The following SELENOF variants were observed in gnomAD, a reference collection of about 807,000 sequenced individuals.
The protein encoded by SELENOF is selenoprotein F, also known as 15 kDa selenoprotein.
A neutral mutation model predicts 20.5 loss-of-function variants in SELENOF; 16 were observed. The ratio of observed to expected loss-of-function variants is 0.78; its 90% CI spans 0.53 to 1.19. The LOEUF is 1.19. Among genes scored for constraint, SELENOF ranks in the 50% most tolerant of loss-of-function variants. The pLI, the probability that SELENOF is intolerant of heterozygous loss-of-function variation, is 0.00. For synonymous variants in SELENOF, 78 were observed against 74.5 expected (o/e 1.05, Z -0.24); for missense variants, 215 against 194.2 (o/e 1.11, Z -0.64).
At chr1:86,864,151 G>A (rs766906320) in intron 4 of SELENOF, among the ~76,000 whole-genome samples, 26 of 152,156 alleles carry the variant, frequency 1.7e-4, no homozygotes, top group Non-Finnish European at 3.7e-4. Context: ...TTTAAAATAC[G>A]CTGTGCATAT....
intron 2 of SELENOF, among the ~76,000 whole-genome samples, chr1:86,890,582 T>G (rs1359458421): frequency 6.6e-6 from 1 of 152,060 alleles, no homozygotes; most frequent in African/African-American, 2.4e-5. Context: ...CTCGACCTCC[T>G]AGGCTCGAGT....
Position 86,885,449 on chromosome 1 carries a change from A to G in SELENOF, c.253-4724T>C, listed in dbSNP as rs1022434624. On this transcript the variant is annotated intron_variant, in intron 2 of 4. Transcript: ENST00000331835. Reference sequence around the variant, plus strand: ...TAACACTGAACAAAGGTGACACTTGAGAATTACACACATTTTCTGAATTTT... The same window carrying G: ...TAACACTGAACAAAGGTGACACTTGGGAATTACACACATTTTCTGAATTTT... Among the ~76,000 whole-genome samples the G allele has an allele frequency of 5.3e-5, 8 of 152,208 alleles. No homozygotes were observed. The East Asian group carries it at 1.3e-3, about 26-fold the overall frequency.
intron 2 of SELENOF, among the ~76,000 whole-genome samples, chr1:86,886,653 T>C (rs1373543775): frequency 6.6e-6 from 1 of 152,134 alleles, no homozygotes. Context: ...ACCAAGTTAA[T>C]ATAACCATTA....
intron 2 of SELENOF, among the ~76,000 whole-genome samples, chr1:86,902,923 T>G (rs1049637940): frequency 6.6e-6 from 1 of 152,250 alleles, no homozygotes; most frequent in Non-Finnish European, 1.5e-5. Context: ...TACTTTCATT[T>G]CAAGTTTCAT....
At chr1:86,887,861 T>C (rs1659266245) in intron 2 of SELENOF, among the ~76,000 whole-genome samples, 1 of 152,118 alleles carries the variant, frequency 6.6e-6, no homozygotes. Flanking sequence ...CATTCAGTTC[T>C]GCCAATACTT....
intron 1 of SELENOF, among the ~76,000 whole-genome samples, chr1:86,913,309 A>G (rs1660036623): frequency 6.6e-6 from 1 of 152,236 alleles, no homozygotes; most frequent in Non-Finnish European, 1.5e-5. Context: ...CAGAACATGG[A>G]TATGAGAAGA....
intron 2 of SELENOF, among the ~76,000 whole-genome samples, chr1:86,892,794 A>G (rs975654432): frequency 9.2e-5 from 14 of 152,242 alleles, no homozygotes; most frequent in Non-Finnish European, 2.9e-5. Context: ...GACAGGAGCC[A>G]TTAAAGTCTG....
At chr1:86,865,861 A>G (rs2102067382) in intron 4 of SELENOF, among the ~76,000 whole-genome samples, 1 of 152,228 alleles carries the variant, frequency 6.6e-6, no homozygotes, top group African/African-American at 2.4e-5. Flanking sequence ...TAGCCAAGGG[A>G]TGGAAGCAAC....
intron 2 of SELENOF, among the ~76,000 whole-genome samples, chr1:86,897,297 A>T (rs1405501191): frequency 6.6e-6 from 1 of 152,140 alleles, no homozygotes; most frequent in Admixed American, 6.5e-5. Flanking sequence ...TGGTGCAGGG[A>T]GGGGTGGAAA....
At chr1:86,910,223 T>C (rs1366063613) in intron 1 of SELENOF, among the ~76,000 whole-genome samples, 1 of 152,210 alleles carries the variant, frequency 6.6e-6, no homozygotes, top group Non-Finnish European at 1.5e-5. Context: ...TTATACGTCA[T>C]GAGTATGAAT....
intron 1 of SELENOF, among the ~76,000 whole-genome samples, chr1:86,906,881 CAT>C (rs1205614379): frequency 6.6e-6 from 1 of 152,124 alleles, no homozygotes; most frequent in East Asian, 1.9e-4. Context: ...GTTTTGCAGC[CAT>C]AGTTACTGAA....
intron 3 of SELENOF, among the ~76,000 whole-genome samples, chr1:86,871,392 A>G (rs1036321806): frequency 3.3e-5 from 5 of 152,238 alleles, no homozygotes; most frequent in African/African-American, 9.6e-5. Flanking sequence ...TGTTCACTTG[A>G]ACATAAAACA....
chr1:86,865,695 T>C (rs1658572541), intron 4 of SELENOF, among the ~76,000 whole-genome samples: 1 of 152,166 alleles, frequency 6.6e-6, no homozygotes, highest in Admixed American at 6.5e-5. Flanking sequence ...GTGAAGTCAT[T>C]ACGGAAAACA....
intron 3 of SELENOF, among the ~76,000 whole-genome samples, chr1:86,871,625 A>G (rs1484725318): frequency 3.9e-5 from 6 of 152,338 alleles, no homozygotes; most frequent in African/African-American, 1.4e-4. Context: ...ACAGTTCCTC[A>G]AGTTCAAAGA....
intron 4 of SELENOF, among the ~76,000 whole-genome samples, chr1:86,866,195 C>CA (rs762072945): frequency 0.16 from 4,427 of 27,546 alleles, 955 homozygotes; most frequent in African/African-American, 0.31. Context: ...AGACCATGTC[C>CA]AAAAAAAAAA....
chr1:86,911,828 G>C lies in SELENOF; in HGVS notation c.84+2200C>G, dbSNP rs938469664. 7.4e-5 allele frequency among the ~76,000 whole-genome samples: 11 copies of C among 148,822 alleles called. 1 individual carries two copies. ...AGACAGAGTCCTGCTCTGTTACCCA[G>C]ACTGGAGTGCAATGGTGCAATCTCG... On this transcript the variant is annotated intron_variant, in intron 1 of 4. Transcript: ENST00000331835.
chr1:86,914,177 C>T (rs897575929), upstream of SELENOF: 23 of 1,425,442 alleles, frequency 1.6e-5, no homozygotes, highest in South Asian at 3.4e-5. Context: ...AGAGCCTGAT[C>T]CAAAACAGAA....
chr1:86,880,810 A>C, intron 2 of SELENOF, 85 bp from the exon 3 acceptor site: 1 of 870,124 alleles, frequency 1.1e-6, no homozygotes, highest in Middle Eastern at 3.5e-4. Context: ...CACAGTATAA[A>C]CATTACAGTT....
At chr1:86,875,725 T>C (rs1419954895) in intron 3 of SELENOF, among the ~76,000 whole-genome samples, 2 of 152,172 alleles carry the variant, frequency 1.3e-5, no homozygotes, top group African/African-American at 4.8e-5. Flanking sequence ...ACGCCAAATA[T>C]AATCTTATGT....
Sources: gnomAD v4.1 joint callset for allele counts (sites outside exome capture counted in the v4.1 genomes callset) on GRCh38, gnomAD v4.1.1 for gene constraint, MANE v1.5 for transcripts, NCBI Gene and HGNC (gene_info 2026-07-23, HGNC 2026-07-21) for gene names.